CNTN4: variants seen among roughly 807,000 people sequenced by gnomAD.
CNTN4 encodes the protein contactin-4.
In CNTN4, 77 loss-of-function variants were observed where a neutral mutation model predicts 122.5. The observed-to-expected ratio is 0.63, with a 90% CI of 0.52 to 0.76. The LOEUF (loss-of-function observed/expected upper bound fraction) is 0.76, where lower values mean the gene tolerates loss of function less well. Ranked by LOEUF, CNTN4 falls within the 30% of genes least tolerant of loss-of-function variation. The pLI is 0.00. For synonymous variants in CNTN4, 512 were observed against 447.0 expected, an observed-to-expected ratio of 1.15 and a Z score of -1.83; for missense variants, 1,256 against 1,259.1, an observed-to-expected ratio of 1.00 and a Z score of 0.04.
intron 4 of CNTN4, among the ~76,000 whole-genome samples, chr3:2,608,926 C>G (rs2081368797): frequency 1.3e-5 from 2 of 152,178 alleles, no homozygotes; most frequent in Admixed American, 1.3e-4. Flanking sequence ...AGGGGCATGC[C>G]TGATGATGCT....
intron 2 of CNTN4, among the ~76,000 whole-genome samples, chr3:2,117,449 T>C (rs1326362373): frequency 5.9e-5 from 9 of 152,176 alleles, no homozygotes; most frequent in Non-Finnish European, 1.3e-4. Flanking sequence ...TCTGGGAGCT[T>C]CATTAGGTAG....
intron 13 of CNTN4, among the ~76,000 whole-genome samples, chr3:2,945,061 G>A (rs571482952): frequency 5.3e-5 from 8 of 152,248 alleles, no homozygotes; most frequent in African/African-American, 1.7e-4. Context: ...CCCGTTTCAG[G>A]GGGTAATTCA....
chr3:2,343,509 C>A (rs1247898601), intron 3 of CNTN4, among the ~76,000 whole-genome samples: 1 of 152,174 alleles, frequency 6.6e-6, no homozygotes, highest in Non-Finnish European at 1.5e-5. Context: ...GTCACTCCTT[C>A]ATTTACATAG....
chr3:2,694,172 C>T (rs1268454662), intron 4 of CNTN4, among the ~76,000 whole-genome samples: 1 of 152,120 alleles, frequency 6.6e-6, no homozygotes, highest in Non-Finnish European at 1.5e-5. Flanking sequence ...CAAGTCTTTC[C>T]CCCTGCCCAT....
intron 3 of CNTN4, among the ~76,000 whole-genome samples, chr3:2,517,224 T>A (rs1317040815): frequency 6.6e-6 from 1 of 152,164 alleles, no homozygotes; most frequent in Non-Finnish European, 1.5e-5. Context: ...AAGTGGGTAT[T>A]GTGACACCGT....
At chr3:2,144,747 T>G (rs1478353691) in intron 2 of CNTN4, among the ~76,000 whole-genome samples, 1 of 152,242 alleles carries the variant, frequency 6.6e-6, no homozygotes, top group African/African-American at 2.4e-5. Context: ...AGTCATCAAT[T>G]AAGTTTATTG....
chr3:2,588,693 C>A (rs527857837), intron 4 of CNTN4, among the ~76,000 whole-genome samples: 4 of 150,338 alleles, frequency 2.7e-5, no homozygotes, highest in African/African-American at 7.4e-5. Flanking sequence ...AGTGCCTGAT[C>A]TCTGTACAAT....
chr3:2,492,767 T>A (rs1218463555), intron 3 of CNTN4, among the ~76,000 whole-genome samples: 1 of 152,162 alleles, frequency 6.6e-6, no homozygotes. Context: ...GCAAATAAAC[T>A]TGGATTAGCT....
intron 2 of CNTN4, among the ~76,000 whole-genome samples, chr3:2,119,211 G>T (rs548555120): frequency 6.6e-6 from 1 of 152,280 alleles, no homozygotes; most frequent in African/African-American, 2.4e-5. Flanking sequence ...TGCTTGTCCA[G>T]TCTGTTAACC....
chr3:2,786,493 TAAGCAAGCTACCCCTTCAC>T lies in CNTN4; in HGVS notation c.359-32989_359-32971del, dbSNP rs369708041. On this transcript the variant is annotated intron_variant, in intron 6 of 24. Coordinates refer to ENST00000418658, the MANE Select transcript of CNTN4 (RefSeq NM_175607.3). ...AACGGGTTAAGATCTGTGGGCTGCG[TAAGCAAGCTACCCCTTCAC>T]AAGTCCTGTGAAGGGATCAAGGGAA... Among the ~76,000 whole-genome samples the T allele has an allele frequency of 2.1e-3, 316 of 152,286 alleles. 3 individuals carry two copies. Among genetic ancestry groups the T allele is most frequent in the African/African-American group, 7.5e-3 (312 of 41,562 alleles).
intron 4 of CNTN4, among the ~76,000 whole-genome samples, chr3:2,676,229 T>G (rs984226953): frequency 2.0e-5 from 3 of 152,068 alleles, no homozygotes; most frequent in African/African-American, 2.4e-5. Context: ...GGTTTTTTTT[T>G]TGTGGTGGGG....
chr3:2,402,398 A>G (rs1405612138), intron 3 of CNTN4, among the ~76,000 whole-genome samples: 1 of 151,980 alleles, frequency 6.6e-6, no homozygotes, highest in African/African-American at 2.4e-5. Context: ...CTGATTTTTT[A>G]TTTTAGATTT....
chr3:2,727,874 G>A (rs2088349610), intron 4 of CNTN4, among the ~76,000 whole-genome samples: 1 of 152,174 alleles, frequency 6.6e-6, no homozygotes, highest in Non-Finnish European at 1.5e-5. Flanking sequence ...TCATTTGAGG[G>A]GTTAAAAGAA....
chr3:2,707,903 A>G (rs552625993), intron 4 of CNTN4, among the ~76,000 whole-genome samples: 5 of 152,358 alleles, frequency 3.3e-5, no homozygotes, highest in Admixed American at 1.3e-4. Flanking sequence ...ATATTTAGCT[A>G]TAATTTAAGC....
intron 6 of CNTN4, among the ~76,000 whole-genome samples, chr3:2,817,892 TCA>T (rs2092773693): frequency 6.6e-6 from 1 of 152,230 alleles, no homozygotes; most frequent in Non-Finnish European, 1.5e-5. Flanking sequence ...TGAAGGAATC[TCA>T]GACCATTTCC....
intron 3 of CNTN4, among the ~76,000 whole-genome samples, chr3:2,400,186 C>T (rs2046786119): frequency 2.6e-5 from 4 of 151,696 alleles, no homozygotes; most frequent in Admixed American, 2.0e-4. Flanking sequence ...TGAAGCTTTC[C>T]TGTGTAACCC....
intron 6 of CNTN4, among the ~76,000 whole-genome samples, chr3:2,816,743 C>A (rs2092740697): frequency 1.4e-5 from 2 of 144,176 alleles, no homozygotes. Context: ...ATCACTTGAA[C>A]CTGGGAGGTG....
At chr3:2,458,936 C>G (rs1188983643) in intron 3 of CNTN4, among the ~76,000 whole-genome samples, 3 of 152,132 alleles carry the variant, frequency 2.0e-5, no homozygotes, top group Non-Finnish European at 1.5e-5. Context: ...TTAGACTGTA[C>G]AATTCTTCCT....
At chr3:2,813,284 TCCTTAC>T (rs2092654742) in intron 6 of CNTN4, among the ~76,000 whole-genome samples, 1 of 152,222 alleles carries the variant, frequency 6.6e-6, no homozygotes, top group African/African-American at 2.4e-5. Context: ...GATGTTCATC[TCCTTAC>T]TGATTGCGTC....
Sources: gnomAD v4.1 joint callset for allele counts (sites outside exome capture counted in the v4.1 genomes callset) on GRCh38, gnomAD v4.1.1 for gene constraint, MANE v1.5 for transcripts, NCBI Gene and HGNC (gene_info 2026-07-23, HGNC 2026-07-21) for gene names.